Variants in UNC13B observed in about 807,000 individuals in gnomAD.
The protein encoded by UNC13B is protein unc-13 homolog B.
A neutral mutation model predicts 211.0 loss-of-function variants in UNC13B; 144 were observed. The observed-to-expected ratio is 0.68, with a 90% confidence interval of 0.60 to 0.78. UNC13B has a LOEUF of 0.78. Ranked by LOEUF, UNC13B falls within the 30% of genes least tolerant of loss-of-function variation. The pLI is 0.00. For missense variants in UNC13B, 1,777 were observed against 2,002.0 expected, an observed-to-expected ratio of 0.89 and a Z score of 2.14; for synonymous variants, 709 against 725.8, an observed-to-expected ratio of 0.98 and a Z score of 0.37.
At chr9:35,290,957 G>A in intron 7 of UNC13B, 1 of 1,035,232 alleles carries the variant, frequency 9.7e-7, no homozygotes, top group African/African-American at 1.6e-5. Flanking sequence ...AAGTGAGGTA[G>A]GCTTAAGTAA....
chr9:35,403,175 G>A lies in UNC13B; in HGVS notation c.12493G>A (p.Val4165Met), dbSNP rs1836438609. The change falls in exon 38 of 40, where the codon GTG (valine) becomes ATG (methionine). Residue 4165 changes from valine (V) to methionine (M), a missense_variant. Coordinates refer to ENST00000635942, the MANE Select transcript of UNC13B (RefSeq NM_001371189.2). ...CTCCATTTGTCCCTCAGGGTCTGGT[G>A]TGGACGATCCTGTGGGAGAAGTCTC... is the stretch of plus-strand genomic sequence containing the variant. ...VRSQTTQGSG[V>M]DDPVGEVSIQ... 1 of 1,614,134 alleles carries A rather than the reference G, an allele frequency of 6.2e-7. No homozygotes were observed. Among genetic ancestry groups the A allele is most frequent in the Non-Finnish European group, 8.5e-7 (1 of 1,179,974 alleles).
chr9:35,253,377 A>T (rs1004270346), intron 6 of UNC13B, among the ~76,000 whole-genome samples: 2 of 152,068 alleles, frequency 1.3e-5, no homozygotes, highest in Non-Finnish European at 2.9e-5. Context: ...TTGATACTAA[A>T]ATGATCTCAT....
intron 7 of UNC13B, among the ~76,000 whole-genome samples, chr9:35,284,905 A>G (rs1018548793): frequency 2.6e-5 from 4 of 152,178 alleles, no homozygotes; most frequent in Admixed American, 6.5e-5. Context: ...CCAGTACTGG[A>G]CTACTAATGG....
intron 7 of UNC13B, among the ~76,000 whole-genome samples, chr9:35,272,864 A>G (rs992520411): frequency 6.6e-6 from 1 of 152,264 alleles, no homozygotes; most frequent in South Asian, 2.1e-4. Flanking sequence ...TCCCTTAACT[A>G]CTTACCGTGT....
chr9:35,281,324 G>A (rs1828476140), intron 7 of UNC13B, among the ~76,000 whole-genome samples: 1 of 151,510 alleles, frequency 6.6e-6, no homozygotes, highest in Non-Finnish European at 1.5e-5. Context: ...GCAGAGGTAG[G>A]AGAATTGCTT....
chr9:35,213,395 T>C (rs1824079180), intron 1 of UNC13B, among the ~76,000 whole-genome samples: 1 of 152,180 alleles, frequency 6.6e-6, no homozygotes, highest in Non-Finnish European at 1.5e-5. Context: ...GAGCCCTTAC[T>C]GAGGAACAAA....
intron 11 of UNC13B, among the ~76,000 whole-genome samples, chr9:35,330,880 A>G (rs971815277): frequency 6.6e-6 from 1 of 152,188 alleles, no homozygotes; most frequent in African/African-American, 2.4e-5. Context: ...GAACATTTCC[A>G]AGGGATGCCA....
At chr9:35,218,533 A>G (rs1824383612) in intron 1 of UNC13B, among the ~76,000 whole-genome samples, 1 of 151,476 alleles carries the variant, frequency 6.6e-6, no homozygotes, top group South Asian at 2.1e-4. Flanking sequence ...CCCAGGCTCC[A>G]TTTTTATTTA....
In UNC13B at chr9:35,307,908, G is replaced by A; in HGVS notation, c.8504G>A (p.Gly2835Glu). The change falls in exon 9 of 40, where the codon GGA becomes GAA. Residue 2835 changes from glycine to glutamate, a missense_variant. Transcript: ENST00000635942. ...GTATTAGCAAGTGATTCAAAACTAG[G>A]ATTTGGAAAGGTAGATCTTTCATTT... The part of the protein sequence containing the change: ...GSVLASDSKL[G>E]FGKVDLSFPW... 2.5e-6 allele frequency: 1 copy of A among 398,968 alleles called. No homozygotes were observed. The highest frequency in any genetic ancestry group is 4.4e-6 in the Non-Finnish European group (1 of 226,080). 24.7% of individuals were successfully genotyped at this position (398,968 alleles called of 1,614,324 possible).
chr9:35,306,563 A>C lies in UNC13B; in HGVS notation c.7159A>C (p.Asn2387His), dbSNP rs149525119. The C allele has an allele frequency of 2.5e-6, 1 of 398,988 alleles. No homozygotes were observed. The highest frequency in any genetic ancestry group is 3.6e-5 in the East Asian group (1 of 28,064). 24.7% of individuals were successfully genotyped at this position (398,988 alleles called of 1,614,324 possible). A position where few individuals can be genotyped will look rare whatever the true frequency, so the allele number is the denominator to read the frequency against. The part of the protein sequence containing the change: ...SHAKQLIEKF[N>H]DLDTCTNCHQ... ...TGCTAAACAGTTAATTGAAAAATTC[A>C]ATGATTTAGACACTTGTACTAACTG... Residue 2387 changes from asparagine to histidine, a missense_variant, in exon 9 of 40, where the codon AAT becomes CAT. By Grantham distance (68) the Asn-to-His change is moderately conservative (BLOSUM62 1). Transcript: ENST00000635942.
intron 26 of UNC13B, among the ~76,000 whole-genome samples, chr9:35,393,435 A>G (rs1191161425): frequency 6.6e-6 from 1 of 152,136 alleles, no homozygotes; most frequent in Non-Finnish European, 1.5e-5. Context: ...ATGCTTGGAG[A>G]ACTGGAAGCA....
intron 11 of UNC13B, among the ~76,000 whole-genome samples, chr9:35,316,907 A>G (rs542508159): frequency 7.9e-5 from 12 of 152,310 alleles, no homozygotes; most frequent in African/African-American, 2.6e-4. Flanking sequence ...GATTTAGGAA[A>G]CAATTAGGCA....
intron 11 of UNC13B, among the ~76,000 whole-genome samples, chr9:35,359,889 T>C (rs1040487145): frequency 6.6e-6 from 1 of 152,172 alleles, no homozygotes; most frequent in Admixed American, 6.5e-5. Flanking sequence ...GTAATCCCCA[T>C]AGAGCATGAG....
chr9:35,341,786 G>T, intron 11 of UNC13B: 1 of 257,226 alleles, frequency 3.9e-6, no homozygotes, highest in Non-Finnish European at 6.1e-6. Flanking sequence ...GGGTGTGTGC[G>T]CCAGGAACGT....
intron 1 of UNC13B, among the ~76,000 whole-genome samples, chr9:35,196,548 G>T (rs1306698532): frequency 6.6e-6 from 1 of 152,176 alleles, no homozygotes; most frequent in African/African-American, 2.4e-5. Flanking sequence ...ATCTTGGGGA[G>T]GATGCTCTGC....
chr9:35,198,159 T>C (rs1823049697), intron 1 of UNC13B, among the ~76,000 whole-genome samples: 1 of 152,156 alleles, frequency 6.6e-6, no homozygotes, highest in Non-Finnish European at 1.5e-5. Context: ...AAATCTCACG[T>C]CGAATTGTAA....
chr9:35,272,959 G>C (rs1827976786), intron 7 of UNC13B, among the ~76,000 whole-genome samples: 1 of 152,158 alleles, frequency 6.6e-6, no homozygotes, highest in South Asian at 2.1e-4. Context: ...TTGAGATATA[G>C]CCCACCTTGG....
At chr9:35,247,403 G>A (rs1826170336) in intron 6 of UNC13B, among the ~76,000 whole-genome samples, 3 of 152,172 alleles carry the variant, frequency 2.0e-5, no homozygotes, top group African/African-American at 7.2e-5. Flanking sequence ...GAATAGGAGT[G>A]GTGAGAGAGG....
chr9:35,167,393 C>T (rs1028085453), intron 1 of UNC13B, among the ~76,000 whole-genome samples: 6 of 152,060 alleles, frequency 3.9e-5, no homozygotes, highest in South Asian at 2.1e-4. Flanking sequence ...ATGCATGGCC[C>T]GAGATAATTC....
Sources: allele counts gnomAD v4.1 joint callset (sites outside exome capture counted in the v4.1 genomes callset), GRCh38; gene constraint gnomAD v4.1.1; transcripts MANE v1.5; gene names NCBI Gene and HGNC (gene_info 2026-07-23, HGNC 2026-07-21).